Variants in SUGCT observed in about 807,000 individuals in gnomAD.
SUGCT encodes the protein succinyl-CoA:glutarate-CoA transferase.
In SUGCT, 41 loss-of-function variants were observed where a neutral mutation model predicts 55.0. The observed-to-expected ratio is 0.74, with a 90% CI of 0.58 to 0.97. The LOEUF (loss-of-function observed/expected upper bound fraction) is 0.97, where lower values mean the gene tolerates loss of function less well. SUGCT is among the 50% of genes least tolerant of loss of function. The pLI is 0.00. For synonymous variants in SUGCT, 187 were observed against 200.4 expected (o/e 0.93, Z 0.56); for missense variants, 568 against 547.8 (o/e 1.04, Z -0.37).
intron 13 of SUGCT, among the ~76,000 whole-genome samples, chr7:40,856,678 A>C (rs1794186149): frequency 6.6e-6 from 1 of 152,208 alleles, no homozygotes; most frequent in Non-Finnish European, 1.5e-5. Context: ...AGCAGACTTA[A>C]AAATCTATAT....
the SUGCT span, among the ~76,000 whole-genome samples, chr7:40,960,698 A>G: frequency 2.0e-5 from 3 of 152,178 alleles, no homozygotes; most frequent in African/African-American, 7.2e-5. Context: ...TGTTTTTCCA[A>G]AGTTTCTCAT....
At chr7:40,381,545 TTCCGAA>T (rs1345500354) in intron 9 of SUGCT, among the ~76,000 whole-genome samples, 2 of 152,122 alleles carry the variant, frequency 1.3e-5, no homozygotes, top group Admixed American at 6.6e-5. Context: ...TGACTCGTGG[TTCCGAA>T]AAAACTATAA....
the SUGCT span, among the ~76,000 whole-genome samples, chr7:40,905,443 A>T: frequency 6.6e-6 from 1 of 152,248 alleles, no homozygotes; most frequent in African/African-American, 2.4e-5. Context: ...TGATATTTGT[A>T]GGTTTTTTGT....
chr7:40,943,715 T>C, the SUGCT span, among the ~76,000 whole-genome samples: 2 of 151,510 alleles, frequency 1.3e-5, no homozygotes, highest in Admixed American at 1.3e-4. Context: ...GTCTTTGCTA[T>C]TGTGAATAGT....
At chr7:40,240,232 C>T (rs1445006637) in intron 7 of SUGCT, among the ~76,000 whole-genome samples, 11 of 152,028 alleles carry the variant, frequency 7.2e-5, no homozygotes, top group Non-Finnish European at 1.6e-4. Context: ...GCTTGTAATC[C>T]CAGCACTTTG....
At chr7:40,767,408 C>T (rs1584408616) in intron 13 of SUGCT, among the ~76,000 whole-genome samples, 1 of 152,094 alleles carries the variant, frequency 6.6e-6, no homozygotes, top group Admixed American at 6.5e-5. Flanking sequence ...GGGCATTTTT[C>T]AAAATGCTAT....
the SUGCT span, among the ~76,000 whole-genome samples, chr7:40,929,346 C>T: frequency 3.3e-5 from 5 of 152,248 alleles, no homozygotes; most frequent in East Asian, 7.7e-4. Flanking sequence ...GGGTTGGTTC[C>T]AAGTCTTTGC....
intron 9 of SUGCT, among the ~76,000 whole-genome samples, chr7:40,349,324 A>G (rs992079811): frequency 5.9e-5 from 9 of 152,146 alleles, no homozygotes; most frequent in African/African-American, 2.2e-4. Flanking sequence ...TGATTTGGCC[A>G]TTGCTTCAGT....
intron 9 of SUGCT, among the ~76,000 whole-genome samples, chr7:40,445,246 G>A (rs7776718): frequency 0.043 from 6,581 of 152,090 alleles, 486 homozygotes; most frequent in African/African-American, 0.15. Flanking sequence ...TAGATAGACC[G>A]CTAGCAAGAC....
chr7:40,730,317 G>A (rs1043067956), intron 12 of SUGCT, among the ~76,000 whole-genome samples: 2 of 152,110 alleles, frequency 1.3e-5, no homozygotes, highest in African/African-American at 4.8e-5. Context: ...ATGTTGACCA[G>A]ACTGGTCTCA....
chr7:40,647,526 C>G (rs957975717), intron 12 of SUGCT, among the ~76,000 whole-genome samples: 16 of 152,130 alleles, frequency 1.1e-4, no homozygotes, highest in Non-Finnish European at 2.4e-4. Context: ...ATATATCCAG[C>G]TTTAATGTTA....
intron 9 of SUGCT, among the ~76,000 whole-genome samples, chr7:40,344,838 A>G (rs1308149345): frequency 6.6e-6 from 1 of 152,168 alleles, no homozygotes; most frequent in African/African-American, 2.4e-5. Flanking sequence ...GATTGATTGT[A>G]TAGTTCTTCA....
intron 12 of SUGCT, among the ~76,000 whole-genome samples, chr7:40,504,927 T>C (rs1049271896): frequency 6.6e-6 from 1 of 152,250 alleles, no homozygotes; most frequent in Admixed American, 6.5e-5. Flanking sequence ...TAATTTCTGA[T>C]ATCACTCATT....
At chr7:41,007,243 G>A in the SUGCT span, among the ~76,000 whole-genome samples, 1 of 152,096 alleles carries the variant, frequency 6.6e-6, no homozygotes, top group African/African-American at 2.4e-5. Flanking sequence ...CCTTTCTCAA[G>A]TGGCACCCTG....
At position 40,657,370 on chromosome 7, in the gene SUGCT, A is replaced by G. The variant is rs549922893; in HGVS notation, c.1090-92064A>G. On this transcript the variant is annotated intron_variant, in intron 12 of 13. Coordinates refer to ENST00000335693, the MANE Select transcript of SUGCT (RefSeq NM_001193313.2). ...CTGTGCTGTATTTGAGATTGACAAT[A>G]ATGTCAATCGATGCTAGCCTATCAT... 4.6e-5 allele frequency among the ~76,000 whole-genome samples: 7 copies of G among 152,256 alleles called. No homozygotes were observed. The East Asian group carries it at 1.4e-3, about 29-fold the overall frequency.
intron 13 of SUGCT, among the ~76,000 whole-genome samples, chr7:40,772,529 T>G (rs1789181140): frequency 6.6e-6 from 1 of 151,410 alleles, no homozygotes; most frequent in Non-Finnish European, 1.5e-5. Context: ...TATCTATCTA[T>G]CTATCTATCT....
intron 9 of SUGCT, among the ~76,000 whole-genome samples, chr7:40,393,613 G>A (rs555567610): frequency 6.6e-6 from 1 of 152,234 alleles, no homozygotes; most frequent in Non-Finnish European, 1.5e-5. Flanking sequence ...TGGGAGAGGA[G>A]GCTATTGAGA....
intron 9 of SUGCT, among the ~76,000 whole-genome samples, chr7:40,329,874 T>A (rs763946890): frequency 1.3e-5 from 2 of 152,196 alleles, no homozygotes; most frequent in Non-Finnish European, 2.9e-5. Context: ...GATATACACA[T>A]TGATTATTTA....
chr7:40,531,021 G>T (rs1794054797), intron 12 of SUGCT, among the ~76,000 whole-genome samples: 1 of 152,122 alleles, frequency 6.6e-6, no homozygotes, highest in Non-Finnish European at 1.5e-5. Flanking sequence ...CTAGCGAATG[G>T]GCTGATCTTC....
Sources: allele counts gnomAD v4.1 joint callset (sites outside exome capture counted in the v4.1 genomes callset), GRCh38; gene constraint gnomAD v4.1.1; transcripts MANE v1.5; gene names NCBI Gene and HGNC (gene_info 2026-07-23, HGNC 2026-07-21).